FAM50B: variants seen among roughly 807,000 people sequenced by gnomAD.
FAM50B encodes protein FAM50B.
In FAM50B, 9 loss-of-function variants were observed where a neutral mutation model predicts 25.4. The ratio of observed to expected loss-of-function variants is 0.35; its 90% CI spans 0.21 to 0.62. The LOEUF is 0.62. Among genes scored for constraint, FAM50B ranks in the 20% least tolerant of loss-of-function variants. FAM50B has a pLI of 0.73. For missense variants in FAM50B, 372 were observed against 477.9 expected, an observed-to-expected ratio of 0.78 and a Z score of 2.07; for synonymous variants, 212 against 204.3, an observed-to-expected ratio of 1.04 and a Z score of -0.32.
At chr6:3,837,101 T>C in the FAM50B span, among the ~76,000 whole-genome samples, 1 of 152,182 alleles carries the variant, frequency 6.6e-6, no homozygotes, top group Non-Finnish European at 1.5e-5. Context: ...ACCACAGATC[T>C]AAATGGAAAA....
the FAM50B span, among the ~76,000 whole-genome samples, chr6:3,835,832 G>A: frequency 6.6e-6 from 1 of 152,276 alleles, no homozygotes; most frequent in South Asian, 2.1e-4. Flanking sequence ...TCCCGACACT[G>A]TGGACTCCCA....
chr6:3,834,409 A>G, the FAM50B span, among the ~76,000 whole-genome samples: 4 of 150,990 alleles, frequency 2.6e-5, no homozygotes, highest in East Asian at 7.7e-4. Flanking sequence ...GAACCCACAG[A>G]GTTAAAATGT....
At chr6:3,846,279 C>T (rs1388839956), upstream of FAM50B, among the ~76,000 whole-genome samples, 1 of 152,134 alleles carries the variant, frequency 6.6e-6, no homozygotes, top group Non-Finnish European at 1.5e-5. Context: ...CAGACCACCA[C>T]AAAGACAGTC....
chr6:3,850,904 G>C lies in FAM50B; in HGVS notation c.*115G>C. ...TCTTCCCCCAAATTTAATAAAGACA[G>C]AGGGTTCTCATGATTCACATTGGTT... On this transcript the variant is annotated 3_prime_UTR_variant, in exon 2 of 2. Transcript: ENST00000648326. 1.4e-6 allele frequency: 2 copies of C among 1,462,384 alleles called. No homozygotes were observed. The highest frequency in any genetic ancestry group is 1.8e-6 in the Non-Finnish European group (2 of 1,092,182). 90.6% of individuals were successfully genotyped at this position (1,462,384 alleles called of 1,614,324 possible). A position where few individuals can be genotyped will look rare whatever the true frequency, so the allele number is the denominator to read the frequency against.
At chr6:3,832,171 T>A in the FAM50B span, among the ~76,000 whole-genome samples, 1 of 152,252 alleles carries the variant, frequency 6.6e-6, no homozygotes, top group African/African-American at 2.4e-5. Flanking sequence ...TTCAGTAAAA[T>A]AATAACAACT....
the FAM50B span, among the ~76,000 whole-genome samples, chr6:3,835,199 T>A: frequency 1.3e-5 from 2 of 152,050 alleles, no homozygotes; most frequent in African/African-American, 4.8e-5. Context: ...AAGAAAATAT[T>A]TTCCCCAACC....
chr6:3,846,043 G>A (rs570169212), upstream of FAM50B, among the ~76,000 whole-genome samples: 3 of 152,236 alleles, frequency 2.0e-5, no homozygotes, highest in South Asian at 6.2e-4. Context: ...TTCTATTCAG[G>A]CGCAGTGAAA....
chr6:3,850,013 G>A lies in FAM50B; in HGVS notation c.202G>A (p.Val68Met), dbSNP rs1431379734. The A allele has an allele frequency of 2.5e-6, 4 of 1,613,630 alleles. No homozygotes were observed. The Admixed American group carries it at 6.7e-5, about 27-fold the overall frequency. ...AELKSSTVGLVTLNDMKARQE... is the reference protein window; with the variant it reads ...AELKSSTVGLMTLNDMKARQE... ...GCTGAAGTCCAGCACGGTGGGCCTGGTGACCCTGAACGACATGAAGGCCCG... is the reference window on the plus strand; with the variant it reads ...GCTGAAGTCCAGCACGGTGGGCCTGATGACCCTGAACGACATGAAGGCCCG... Residue 68 changes from valine (V) to methionine (M), a missense_variant, in exon 2 of 2, where the codon GTG becomes ATG. Val to Met is a conservative substitution (Grantham distance 21, BLOSUM62 1). This residue lies in a region of FAM50B where 64 missense variants were observed against 118.3 expected (regional missense o/e 0.54). Coordinates refer to ENST00000648326, the MANE Select transcript of FAM50B (RefSeq NM_012135.3).
chr6:3,834,585 G>A, the FAM50B span, among the ~76,000 whole-genome samples: 1 of 151,766 alleles, frequency 6.6e-6, no homozygotes, highest in Non-Finnish European at 1.5e-5. Flanking sequence ...CAAAGTCAAG[G>A]GCTATCAGGT....
At chr6:3,842,439 C>T in the FAM50B span, among the ~76,000 whole-genome samples, 1 of 152,224 alleles carries the variant, frequency 6.6e-6, no homozygotes, top group Non-Finnish European at 1.5e-5. Context: ...GGGAGGGGGA[C>T]ATTCCTGATA....
upstream of FAM50B, among the ~76,000 whole-genome samples, chr6:3,847,081 A>G (rs552754757): frequency 1.3e-5 from 2 of 152,362 alleles, no homozygotes; most frequent in Admixed American, 6.5e-5. Context: ...GAGCACAGGC[A>G]CAGTAGATTT....
Position 3,850,878 on chromosome 6 carries a change from T to C in FAM50B, c.*89T>C. 6.6e-7 allele frequency: 1 copy of C among 1,525,368 alleles called. No individual in the cohort carries two copies. The highest frequency in any genetic ancestry group is 2.3e-5 in the East Asian group (1 of 43,992). The allele number at this position is 1,525,368 out of a possible 1,614,324, so 94.5% of individuals were successfully genotyped here. ...AGTCACTTGATTTCGTGACCTTGAT[T>C]TCTTCCCCCAAATTTAATAAAGACA... On this transcript the variant is annotated 3_prime_UTR_variant, in exon 2 of 2. Coordinates refer to ENST00000648326, the MANE Select transcript of FAM50B (RefSeq NM_012135.3).
chr6:3,847,377 C>T (rs77759867), upstream of FAM50B, among the ~76,000 whole-genome samples: 1 of 152,254 alleles, frequency 6.6e-6, no homozygotes, highest in East Asian at 1.9e-4. Context: ...CTCCATCACA[C>T]TTGCTGCTTC....
the FAM50B span, among the ~76,000 whole-genome samples, chr6:3,842,463 T>C: frequency 1.3e-4 from 20 of 152,222 alleles, no homozygotes; most frequent in Non-Finnish European, 2.2e-4. Context: ...TTAGTACATG[T>C]GCTATTCTAG....
upstream of FAM50B, among the ~76,000 whole-genome samples, chr6:3,846,550 C>CTTAATATTAATTAATTAA (rs1762125785): frequency 6.6e-6 from 1 of 152,178 alleles, no homozygotes; most frequent in Non-Finnish European, 1.5e-5. Context: ...GTGGCAGTTT[C>CTTAATATTAATTAATTAA]TTAAATCAAT....
chr6:3,844,608 G>A (rs977981509), upstream of FAM50B, among the ~76,000 whole-genome samples: 22 of 152,274 alleles, frequency 1.4e-4, no homozygotes, highest in East Asian at 2.1e-3. Flanking sequence ...CTACTCGGGA[G>A]GCTGAGGCAG....
the FAM50B span, among the ~76,000 whole-genome samples, chr6:3,834,550 T>C: frequency 2.6e-5 from 4 of 151,898 alleles, no homozygotes; most frequent in Non-Finnish European, 5.9e-5. Context: ...TTGAAGAACA[T>C]ATTAAAAGAT....
the FAM50B span, among the ~76,000 whole-genome samples, chr6:3,832,573 C>T: frequency 6.6e-6 from 1 of 152,186 alleles, no homozygotes; most frequent in African/African-American, 2.4e-5. Context: ...CACTCATACA[C>T]CCCTTAAAAA....
chr6:3,849,902 C>T lies in FAM50B; in HGVS notation c.91C>T (p.Leu31=), dbSNP rs1342863521. 1 of 1,613,816 alleles carries T rather than the reference C, an allele frequency of 6.2e-7. No homozygotes were observed. Among genetic ancestry groups the T allele is most frequent in the South Asian group, 1.1e-5 (1 of 91,090 alleles). Residue 31 remains leucine, a synonymous_variant, in exon 2 of 2, where the codon CTG becomes TTG. Transcript: ENST00000648326. ...RERQREQMEV[L]KQRIAEETIL... ...AAGGCAGCGGGAGCAGATGGAGGTG[C>T]TGAAGCAGCGCATCGCCGAGGAGAC... is the stretch of plus-strand genomic sequence containing the variant.
Sources: gnomAD v4.1 joint callset for allele counts (sites outside exome capture counted in the v4.1 genomes callset) on GRCh38, gnomAD v4.1.1 for gene constraint, gnomAD v4.1.1 regional missense constraint, MANE v1.5 for transcripts, NCBI Gene and HGNC (gene_info 2026-07-23, HGNC 2026-07-21) for gene names.